TMCC1: variants seen among roughly 807,000 people sequenced by gnomAD.
The protein encoded by TMCC1 is transmembrane and coiled-coil domains protein 1.
In TMCC1, 15 loss-of-function variants were observed where a neutral mutation model predicts 52.4. The ratio of observed to expected loss-of-function variants is 0.29; its 90% CI spans 0.19 to 0.44. The LOEUF (loss-of-function observed/expected upper bound fraction) is 0.44. Among genes scored for constraint, TMCC1 ranks in the 20% least tolerant of loss-of-function variants. The pLI is 1.00. For missense variants in TMCC1, 503 were observed against 806.0 expected (o/e 0.62, Z 4.55); for synonymous variants, 279 against 301.9 (o/e 0.92, Z 0.79).
chr3:129,840,820 T>G (rs1395434474), intron 2 of TMCC1, among the ~76,000 whole-genome samples: 1 of 152,232 alleles, frequency 6.6e-6, no homozygotes, highest in Non-Finnish European at 1.5e-5. Context: ...ATTAAACCTC[T>G]TTTCTTTATA....
intron 4 of TMCC1, among the ~76,000 whole-genome samples, chr3:129,685,221 A>G (rs6788522): frequency 0.63 from 96,126 of 151,782 alleles, 35,560 homozygotes; most frequent in Non-Finnish European, 0.83. Flanking sequence ...CTTTACAAAA[A>G]AGAAAAAAAT....
chr3:129,875,511 A>C (rs1358677646), intron 2 of TMCC1, among the ~76,000 whole-genome samples: 1 of 150,558 alleles, frequency 6.6e-6, no homozygotes, highest in Admixed American at 6.6e-5. Context: ...AAAAAAAAAA[A>C]AAAAACAACA....
At chr3:129,656,123 G>C (rs891260698) in intron 5 of TMCC1, among the ~76,000 whole-genome samples, 22 of 152,226 alleles carry the variant, frequency 1.4e-4, no homozygotes, top group South Asian at 8.3e-4. Context: ...TTAGGAAAAC[G>C]AGTCTTCTCA....
intron 1 of TMCC1, among the ~76,000 whole-genome samples, chr3:129,885,818 C>T (rs970477565): frequency 1.3e-5 from 2 of 150,064 alleles, no homozygotes; most frequent in Non-Finnish European, 3.0e-5. Flanking sequence ...TCTCGGCTCA[C>T]TGCAACCTCC....
chr3:129,811,265 A>ATTTTATAT, intron 4 of TMCC1, among the ~76,000 whole-genome samples: 1 of 152,128 alleles, frequency 6.6e-6, no homozygotes, highest in African/African-American at 2.4e-5. Flanking sequence ...CATTTTATAT[A>ATTTTATAT]TTATTTTTAA....
chr3:129,876,067 G>A (rs139052327), intron 2 of TMCC1, among the ~76,000 whole-genome samples: 61 of 151,368 alleles, frequency 4.0e-4, no homozygotes, highest in African/African-American at 1.5e-3. Context: ...CCTGGGAGAC[G>A]GGGTTGCAGT....
intron 2 of TMCC1, chr3:129,847,229 G>A (rs2059706912): frequency 6.6e-6 from 1 of 152,174 alleles, no homozygotes; most frequent in South Asian, 2.1e-4. Flanking sequence ...TGTGACTACG[G>A]AATAAGAGTG....
chr3:129,671,010 G>A lies in TMCC1; in HGVS notation c.831C>T (p.Ile277=). 6.2e-7 allele frequency: 1 copy of A among 1,614,212 alleles called. No homozygotes were observed. Among genetic ancestry groups the A allele is most frequent in the East Asian group, 2.2e-5 (1 of 44,890 alleles). ...GGTTCTTCTTCTCAAAGACTTGCTT[G>A]ATGCGGGCAGCCTGCTGTTTGTCTG... ...NSADKQQAAR[I]KQVFEKKNQK... Residue 277 remains isoleucine, a synonymous_variant, in exon 5 of 7, where the codon ATC becomes ATT. Transcript: ENST00000393238.
At chr3:129,869,622 T>C (rs1304836400) in intron 2 of TMCC1, among the ~76,000 whole-genome samples, 1 of 152,184 alleles carries the variant, frequency 6.6e-6, no homozygotes, top group Admixed American at 6.5e-5. Flanking sequence ...GTCATAGAAC[T>C]GAAGGTGAAT....
chr3:129,762,177 G>A (rs1219796704), intron 4 of TMCC1, among the ~76,000 whole-genome samples: 2 of 151,830 alleles, frequency 1.3e-5, no homozygotes, highest in Non-Finnish European at 2.9e-5. Context: ...AGCTGGGACT[G>A]CAGGTGTGCA....
chr3:129,724,305 CA>C (rs2049905255), intron 4 of TMCC1, among the ~76,000 whole-genome samples: 4 of 152,112 alleles, frequency 2.6e-5, no homozygotes, highest in Admixed American at 2.6e-4. Flanking sequence ...ACAGGCAGCT[CA>C]AAAGTTTAAT....
intron 2 of TMCC1, among the ~76,000 whole-genome samples, chr3:129,853,521 C>A (rs550421403): frequency 1.9e-4 from 29 of 150,214 alleles, no homozygotes; most frequent in South Asian, 4.2e-4. Flanking sequence ...CCTAGTTACT[C>A]AGGAGGCTAA....
rs1560350161 is a variant in TMCC1 at position 129,759,709 on chromosome 3, A to ATTTTTTTTTTTTTT, written c.576+68093_576+68094insAAAAAAAAAAAAAA. Reference sequence around the variant, plus strand: ...GGCATGAGCCACTGCAGCCAGCCAAACTTTTTTTTTTTTTTTTTTTTTTTT... The same window carrying ATTTTTTTTTTTTTT: ...GGCATGAGCCACTGCAGCCAGCCAAATTTTTTTTTTTTTTCTTTTTTTTTTTTTTTTTTTTTTTT... On this transcript the variant is annotated intron_variant, in intron 4 of 6. Transcript: ENST00000393238. Among the ~76,000 whole-genome samples, 20 of 98,368 alleles carry ATTTTTTTTTTTTTT rather than the reference A, an allele frequency of 2.0e-4. 1 individual carries two copies. Among genetic ancestry groups the ATTTTTTTTTTTTTT allele is most frequent in the African/African-American group, 7.5e-4 (19 of 25,366 alleles). The allele number at this position is 98,368 out of a possible 152,430, so 64.5% of individuals were successfully genotyped here.
intron 4 of TMCC1, among the ~76,000 whole-genome samples, chr3:129,705,609 T>C (rs1170015826): frequency 7.4e-6 from 1 of 134,902 alleles, no homozygotes. Context: ...GAAACACTTT[T>C]TTTTTTTTTT....
In TMCC1 at chr3:129,648,346, G is replaced by A. The variant is rs1014301958; in HGVS notation, c.*3135C>T. 1.3e-5 allele frequency: 2 copies of A among 152,202 alleles called. No homozygotes were observed. Among genetic ancestry groups the A allele is most frequent in the Admixed American group, 6.5e-5 (1 of 15,286 alleles). The allele number at this position is 152,202 out of a possible 1,614,324, so 9.4% of individuals were successfully genotyped here. A position where few individuals can be genotyped will look rare whatever the true frequency, so the allele number is the denominator to read the frequency against. On this transcript the variant is annotated 3_prime_UTR_variant, in exon 7 of 7. Coordinates refer to ENST00000393238, the MANE Select transcript of TMCC1 (RefSeq NM_001017395.5). ...TTATTTGGACATGGCTAGTGAGGAA[G>A]GCTCGCTCCCAATATTTGTCTTGGC... is the stretch of plus-strand genomic sequence containing the variant.
chr3:129,890,409 T>C (rs994911607), intron 1 of TMCC1, among the ~76,000 whole-genome samples: 1 of 152,272 alleles, frequency 6.6e-6, no homozygotes, highest in African/African-American at 2.4e-5. Context: ...AGTATGTATG[T>C]GAGCCCAAAG....
At chr3:129,739,997 C>T (rs974207021) in intron 4 of TMCC1, among the ~76,000 whole-genome samples, 13 of 152,252 alleles carry the variant, frequency 8.5e-5, no homozygotes, top group African/African-American at 2.9e-4. Context: ...GGTTAGCATA[C>T]AGCATTAGTT....
At chr3:129,857,166 C>T (rs1169256455) in intron 2 of TMCC1, 1 of 152,304 alleles carries the variant, frequency 6.6e-6, no homozygotes, top group African/African-American at 2.4e-5. Context: ...AAGTGATCCA[C>T]CCACCTCAGC....
intron 4 of TMCC1, among the ~76,000 whole-genome samples, chr3:129,685,803 C>T (rs747395642): frequency 6.6e-6 from 1 of 152,172 alleles, no homozygotes; most frequent in Non-Finnish European, 1.5e-5. Flanking sequence ...AACCAAACAT[C>T]ATAATCCTCT....
Sources: allele counts gnomAD v4.1 joint callset (sites outside exome capture counted in the v4.1 genomes callset), GRCh38; gene constraint gnomAD v4.1.1; transcripts MANE v1.5; gene names NCBI Gene and HGNC (gene_info 2026-07-23, HGNC 2026-07-21).